The following FRMPD1 variants were observed in gnomAD, a reference collection of about 807,000 sequenced individuals.
FRMPD1 encodes the protein FERM and PDZ domain-containing protein 1.
A neutral mutation model predicts 117.8 loss-of-function variants in FRMPD1; 76 were observed. The ratio of observed to expected loss-of-function variants is 0.65; its 90% CI spans 0.54 to 0.78. The LOEUF (loss-of-function observed/expected upper bound fraction) is 0.78. FRMPD1 is among the 30% of genes least tolerant of loss of function. The pLI is 0.00. For missense variants in FRMPD1, 1,786 were observed against 1,964.5 expected, an observed-to-expected ratio of 0.91 and a Z score of 1.72; for synonymous variants, 783 against 770.4, an observed-to-expected ratio of 1.02 and a Z score of -0.27.
the FRMPD1 span, among the ~76,000 whole-genome samples, chr9:37,630,417 T>G: frequency 6.6e-6 from 1 of 152,194 alleles, no homozygotes; most frequent in Non-Finnish European, 1.5e-5. Flanking sequence ...GGTTTCGCTC[T>G]GTCACCCAAG....
At chr9:37,699,902 C>T (rs1277131581) in intron 2 of FRMPD1, among the ~76,000 whole-genome samples, 9 of 148,558 alleles carry the variant, frequency 6.1e-5, no homozygotes, top group South Asian at 2.2e-4. Context: ...TATGCATGCA[C>T]GCACACACAC....
At chr9:37,681,212 C>CAAAAAAAA (rs72098221) in intron 1 of FRMPD1, among the ~76,000 whole-genome samples, 5 of 85,430 alleles carry the variant, frequency 5.9e-5, no homozygotes, top group Non-Finnish European at 8.9e-5. Flanking sequence ...GACTCTGTCT[C>CAAAAAAAA]AAAAAAAAAA....
intron 1 of FRMPD1, among the ~76,000 whole-genome samples, chr9:37,688,780 T>C (rs1249065953): frequency 6.6e-6 from 1 of 152,048 alleles, no homozygotes; most frequent in African/African-American, 2.4e-5. Context: ...AGTGGGAAGA[T>C]GTAATTTTAA....
chr9:37,644,525 G>A, the FRMPD1 span, among the ~76,000 whole-genome samples: 4 of 152,192 alleles, frequency 2.6e-5, no homozygotes, highest in Non-Finnish European at 5.9e-5. Flanking sequence ...GCAGGGAGCT[G>A]GGTAAGAGAA....
At chr9:37,638,026 C>CTTTCTT in the FRMPD1 span, among the ~76,000 whole-genome samples, 5 of 47,330 alleles carry the variant, frequency 1.1e-4, 1 homozygote, top group Admixed American at 2.8e-4. Context: ...CTTTCTTTCT[C>CTTTCTT]TCTCTTTCTT....
chr9:37,690,620 C>T (rs1822098231), intron 1 of FRMPD1, among the ~76,000 whole-genome samples: 1 of 152,152 alleles, frequency 6.6e-6, no homozygotes, highest in South Asian at 2.1e-4. Context: ...CTGCAGGGAT[C>T]CCGAAAATGT....
In FRMPD1 at chr9:37,743,640, C is replaced by G. The variant is rs111574164; in HGVS notation, c.2357-749C>G. ...AGAGCATCTTCGTGAACAGTTCCAG[C>G]AGACTCTAACCATTGGGGAGATGTC... On this transcript the variant is annotated intron_variant, in intron 15 of 15. Transcript: ENST00000377765. 1.3e-4 allele frequency among the ~76,000 whole-genome samples: 19 copies of G among 145,690 alleles called. 1 individual carries two copies. The highest frequency in any genetic ancestry group is 4.6e-4 in the African/African-American group (18 of 39,508).
the FRMPD1 span, among the ~76,000 whole-genome samples, chr9:37,633,017 T>TTC: frequency 5.2e-5 from 1 of 19,172 alleles, no homozygotes; most frequent in Non-Finnish European, 1.9e-4. Flanking sequence ...TCTACATATA[T>TTC]TATATATATA....
At chr9:37,629,059 C>T in the FRMPD1 span, among the ~76,000 whole-genome samples, 6 of 152,116 alleles carry the variant, frequency 3.9e-5, no homozygotes, top group South Asian at 2.1e-4. Context: ...ATTAGCTAGA[C>T]GTGGTGGCAC....
At chr9:37,630,889 T>G in the FRMPD1 span, among the ~76,000 whole-genome samples, 1 of 152,204 alleles carries the variant, frequency 6.6e-6, no homozygotes, top group Non-Finnish European at 1.5e-5. Context: ...ACTTGACTTT[T>G]TCCTAGGCAA....
intron 2 of FRMPD1, 49 bp downstream of exon 2, chr9:37,692,791 C>T (rs988260150): frequency 9.9e-6 from 13 of 1,318,132 alleles, no homozygotes; most frequent in South Asian, 3.5e-5. Flanking sequence ...TCTGGTGTCC[C>T]GGGGGAGGAG....
chr9:37,724,424 C>T, intron 7 of FRMPD1, 104 bp downstream of exon 7: 1 of 627,410 alleles, frequency 1.6e-6, no homozygotes, highest in East Asian at 2.8e-5. Context: ...CTCACAAACA[C>T]CGTGGTCTGA....
the FRMPD1 span, among the ~76,000 whole-genome samples, chr9:37,626,410 C>T: frequency 6.8e-6 from 1 of 146,380 alleles, no homozygotes; most frequent in Non-Finnish European, 1.5e-5. Context: ...GAGGCTGAGG[C>T]ATGAGAATTG....
At chr9:37,656,586 C>G (rs1323164747) in intron 1 of FRMPD1, among the ~76,000 whole-genome samples, 1 of 152,132 alleles carries the variant, frequency 6.6e-6, no homozygotes, top group African/African-American at 2.4e-5. Context: ...TTACTGTATC[C>G]TGAGATATAC....
chr9:37,650,730 G>A (rs1182878013), upstream of FRMPD1, among the ~76,000 whole-genome samples: 2 of 152,064 alleles, frequency 1.3e-5, no homozygotes, highest in East Asian at 3.9e-4. Flanking sequence ...GGTGAGCTGA[G>A]GCAGGCGGCG....
At position 37,740,342 on chromosome 9, in the gene FRMPD1, C is replaced by T. The variant is rs748851489; in HGVS notation, c.1814C>T (p.Ser605Leu). Residue 605 changes from serine (S) to leucine (L), a missense_variant, in exon 15 of 16, where the codon TCG becomes TTG. Physicochemically the swap from Ser to Leu is moderately radical, Grantham distance 145 (BLOSUM62 -2). Coordinates refer to ENST00000377765, the MANE Select transcript of FRMPD1 (RefSeq NM_014907.3). This position sits in a 1 kb window ranked among gnomAD's most constrained non-coding sequence, Gnocchi z 4.2. ...AGCCGCGGCTACAGGACCAGTGGCT[C>T]GAGTGAGTCCATGGACGCTCTGGAA... is the stretch of plus-strand genomic sequence containing the variant. ...TESRGYRTSG[S>L]SESMDALEED... 3.2e-5 allele frequency: 51 copies of T among 1,613,550 alleles called. No homozygotes were observed. Among genetic ancestry groups the T allele is most frequent in the East Asian group, 4.5e-5 (2 of 44,890 alleles).
In FRMPD1 at chr9:37,733,482, G is replaced by A. The variant is rs1823983539; in HGVS notation, c.1005G>A (p.Trp335Ter). Reference protein sequence around the residue: ...KISLKYIEKDWGIENFISPTL... With the variant: ...KISLKYIEKD ...CAATGTCTCATGGCAGGAAAGACTG[G>A]GGAATAGAGAACTTTATATCTCCAA... is the stretch of plus-strand genomic sequence containing the variant. Residue 335 changes from tryptophan to a stop codon, truncating the protein, a stop_gained, in exon 11 of 16, where the codon TGG becomes TGA. Transcript: ENST00000377765. LOFTEE classifies it high-confidence loss of function. 6.2e-7 allele frequency: 1 copy of A among 1,613,542 alleles called. No individual in the cohort carries two copies. Among genetic ancestry groups the A allele is most frequent in the Non-Finnish European group, 8.5e-7 (1 of 1,179,744 alleles).
chr9:37,607,395 C>T, the FRMPD1 span, among the ~76,000 whole-genome samples: 1 of 152,236 alleles, frequency 6.6e-6, no homozygotes, highest in East Asian at 1.9e-4. Flanking sequence ...GCAATGACCT[C>T]CTCATTAGCA....
intron 1 of FRMPD1, among the ~76,000 whole-genome samples, chr9:37,681,524 A>C (rs775007015): frequency 1.1e-4 from 16 of 152,248 alleles, no homozygotes; most frequent in Non-Finnish European, 2.2e-4. Flanking sequence ...TAAGAAATTC[A>C]TGCAGATGTG....
Sources: allele counts gnomAD v4.1 joint callset (sites outside exome capture counted in the v4.1 genomes callset), GRCh38; gene constraint gnomAD v4.1.1; non-coding constraint Gnocchi (gnomAD v3.1); transcripts MANE v1.5; gene names NCBI Gene and HGNC (gene_info 2026-07-23, HGNC 2026-07-21).